The following GPC4 variants were observed in gnomAD, a reference collection of about 807,000 sequenced individuals.
The protein encoded by GPC4 is glypican-4.
GPC4 carries 10 observed loss-of-function variants against 35.0 expected under a neutral mutation model. The ratio of observed to expected loss-of-function variants is 0.29; its 90% confidence interval spans 0.18 to 0.48. The LOEUF (loss-of-function observed/expected upper bound fraction) is 0.48. Among genes scored for constraint, GPC4 ranks in the 20% least tolerant of loss-of-function variants. The probability of loss-of-function intolerance (pLI) is 0.99; values close to 1 mark genes in which losing one functional copy is unlikely to be tolerated. For missense variants in GPC4, 322 were observed against 451.3 expected (o/e 0.71, Z 2.60); for synonymous variants, 167 against 170.2 (o/e 0.98, Z 0.15).
At chrX:133,311,179 T>C (rs1007207927) in intron 4 of GPC4, 79 bp downstream of exon 4, 4 of 1,009,645 alleles carry the variant, frequency 4.0e-6, no homozygotes, top group African/African-American at 3.8e-5. Flanking sequence ...ACAAATTTCA[T>C]AGCTGCCAAT....
intron 1 of GPC4, among the ~76,000 whole-genome samples, chrX:133,347,189 T>C (rs746912366): frequency 9.8e-6 from 1 of 102,342 alleles, no homozygotes; most frequent in Admixed American, 1.1e-4. Flanking sequence ...GGGTGAGATA[T>C]AGGAAAGTCT....
At chrX:133,391,840 T>G (rs1390001116) in intron 1 of GPC4, among the ~76,000 whole-genome samples, 1 of 111,472 alleles carries the variant, frequency 9.0e-6, no homozygotes, top group Non-Finnish European at 1.9e-5. Flanking sequence ...AAGGGAAACA[T>G]TCATCATTCT....
At chrX:133,413,196 T>C (rs187324077) in intron 1 of GPC4, among the ~76,000 whole-genome samples, 2 of 111,158 alleles carry the variant, frequency 1.8e-5, no homozygotes, top group East Asian at 5.7e-4. Context: ...CTACAACCAA[T>C]AAAATCGTGC....
At chrX:133,388,453 G>A (rs1225402712) in intron 1 of GPC4, among the ~76,000 whole-genome samples, 1 of 111,910 alleles carries the variant, frequency 8.9e-6, no homozygotes, top group Admixed American at 9.5e-5. Flanking sequence ...GCATGATAGG[G>A]GATTATAAAG....
chrX:133,327,246 T>A (rs2068398203), intron 2 of GPC4, among the ~76,000 whole-genome samples: 1 of 111,684 alleles, frequency 9.0e-6, no homozygotes, highest in Admixed American at 9.5e-5. Context: ...AGTAAGTAAT[T>A]CTCAAAACTC....
chrX:133,340,530 T>C (rs2068462182), intron 1 of GPC4, among the ~76,000 whole-genome samples: 1 of 111,887 alleles, frequency 8.9e-6, no homozygotes, highest in Admixed American at 9.5e-5. Flanking sequence ...CAATGGTAAG[T>C]GTGACCAATC....
intron 1 of GPC4, among the ~76,000 whole-genome samples, chrX:133,370,309 G>A (rs1291915767): frequency 8.9e-6 from 1 of 111,870 alleles, no homozygotes; most frequent in African/African-American, 3.2e-5. Flanking sequence ...AACATGGCTG[G>A]AGGGAAGACA....
intron 1 of GPC4, among the ~76,000 whole-genome samples, chrX:133,380,926 A>G (rs1363400318): frequency 8.9e-6 from 1 of 112,149 alleles, no homozygotes; most frequent in East Asian, 2.8e-4. Flanking sequence ...CCCTAGTTAG[A>G]CAAGCTCCAG....
In GPC4 at chrX:133,313,101, A is replaced by G. The variant is rs761067690; in HGVS notation, c.712-1678T>C. On this transcript the variant is annotated intron_variant, in intron 3 of 8. Coordinates refer to ENST00000370828, the MANE Select transcript of GPC4 (RefSeq NM_001448.3). Reference sequence around the variant, plus strand: ...CAGACTTTTGGAGGCAGATACCACCACAGGGAAGAGATGCTGGGATGCAGG... The same window carrying G: ...CAGACTTTTGGAGGCAGATACCACCGCAGGGAAGAGATGCTGGGATGCAGG... Among the ~76,000 whole-genome samples, 3 of 112,038 alleles carry G rather than the reference A, an allele frequency of 2.7e-5. No individual in the cohort carries two copies. In the South Asian group the frequency reaches 1.1e-3, roughly 43 times the overall value.
chrX:133,306,446 A>C (rs1270865786), intron 4 of GPC4, among the ~76,000 whole-genome samples: 7 of 111,562 alleles, frequency 6.3e-5, no homozygotes, highest in Non-Finnish European at 1.3e-4. Context: ...TTCGTGTGTC[A>C]GCCACTGTCA....
At chrX:133,392,565 C>T (rs974604804) in intron 1 of GPC4, among the ~76,000 whole-genome samples, 1 of 106,233 alleles carries the variant, frequency 9.4e-6, no homozygotes, top group Non-Finnish European at 1.9e-5. Context: ...GGGGATGCCC[C>T]AGCCTTTTAA....
At chrX:133,305,704 A>AATTC in intron 6 of GPC4, 68 bp downstream of exon 6, 1 of 1,173,332 alleles carries the variant, frequency 8.5e-7, no homozygotes. Flanking sequence ...TCCAGCTAAA[A>AATTC]ATTCATTTTG....
At chrX:133,385,285 G>A (rs1448614123) in intron 1 of GPC4, among the ~76,000 whole-genome samples, 2 of 111,710 alleles carry the variant, frequency 1.8e-5, no homozygotes, top group Non-Finnish European at 3.8e-5. Flanking sequence ...AATTTTTATG[G>A]GTTGTCAGGT....
intron 7 of GPC4, among the ~76,000 whole-genome samples, chrX:133,303,913 G>GGAAGGAAC (rs1489228337): frequency 1.1e-3 from 116 of 101,894 alleles, no homozygotes; most frequent in African/African-American, 4.0e-3. Context: ...GAGGAAGGAA[G>GGAAGGAAC]GAAGGAAGGA....
At chrX:133,344,775 T>C (rs138411721) in intron 1 of GPC4, among the ~76,000 whole-genome samples, 201 of 111,920 alleles carry the variant, frequency 1.8e-3, no homozygotes, top group African/African-American at 6.3e-3. Flanking sequence ...CCAGAAAACA[T>C]TGCAAGACAC....
chrX:133,348,491 G>A (rs538815102), intron 1 of GPC4, among the ~76,000 whole-genome samples: 15 of 112,669 alleles, frequency 1.3e-4, no homozygotes, highest in African/African-American at 4.8e-4. Flanking sequence ...AAGTGTGCTG[G>A]GGGACCTTGC....
At chrX:133,341,436 ATT>A (rs1471235748) in intron 1 of GPC4, among the ~76,000 whole-genome samples, 1 of 112,389 alleles carries the variant, frequency 8.9e-6, no homozygotes, top group East Asian at 2.8e-4. Flanking sequence ...ATTTTTAAAG[ATT>A]GCTATAAGCT....
In GPC4 at chrX:133,407,015, G is replaced by GTAGTAAGT. The variant is rs1434282875; in HGVS notation, c.160+7783_160+7790dup. On this transcript the variant is annotated intron_variant, in intron 1 of 8. Coordinates refer to ENST00000370828, the MANE Select transcript of GPC4 (RefSeq NM_001448.3). ...CGCTTGAACCCAGGAAGTGGAGGCT[G>GTAGTAAGT]TAGTAAGTTGAGATCACGCCATTGC... Among the ~76,000 whole-genome samples the GTAGTAAGT allele has an allele frequency of 2.8e-5, 3 of 107,951 alleles. No homozygotes were observed. The East Asian group carries it at 8.9e-4, about 32-fold the overall frequency. 93.7% of individuals were successfully genotyped at this position (107,951 alleles called of 115,157 possible).
intron 1 of GPC4, among the ~76,000 whole-genome samples, chrX:133,376,918 G>A (rs995804154): frequency 1.8e-5 from 2 of 111,706 alleles, no homozygotes; most frequent in Admixed American, 9.5e-5. Flanking sequence ...CAGTGAGGAC[G>A]CTTCTCCTGG....
Sources: gnomAD v4.1 joint callset for allele counts (sites outside exome capture counted in the v4.1 genomes callset) on GRCh38, gnomAD v4.1.1 for gene constraint, MANE v1.5 for transcripts, NCBI Gene and HGNC (gene_info 2026-07-23, HGNC 2026-07-21) for gene names.